Variants in EMC2 observed in about 807,000 individuals in gnomAD.
EMC2 encodes TPR repeat protein 35.
A neutral mutation model predicts 51.6 loss-of-function variants in EMC2; 37 were observed. The ratio of observed to expected loss-of-function variants is 0.72; its 90% CI spans 0.55 to 0.94. The LOEUF (loss-of-function observed/expected upper bound fraction) is 0.94. Ranked by LOEUF, EMC2 falls within the 40% of genes least tolerant of loss-of-function variation. The pLI is 0.00. For missense variants in EMC2, 359 were observed against 350.9 expected, an observed-to-expected ratio of 1.02 and a Z score of -0.18; for synonymous variants, 131 against 112.4, an observed-to-expected ratio of 1.17 and a Z score of -1.04.
At chr8:108,463,938 C>T (rs1027294373) in intron 5 of EMC2, 2 of 152,534 alleles carry the variant, frequency 1.3e-5, no homozygotes, top group African/African-American at 4.8e-5. Flanking sequence ...ACCAAACCCT[C>T]CACTAACCCC....
intron 1 of EMC2, among the ~76,000 whole-genome samples, chr8:108,443,957 A>G (rs566903896): frequency 6.6e-6 from 1 of 151,880 alleles, no homozygotes; most frequent in Non-Finnish European, 1.5e-5. Context: ...GGCCGCTTTT[A>G]TTTATGAGGC....
At chr8:108,476,591 C>CT (rs968256839) in intron 8 of EMC2, among the ~76,000 whole-genome samples, 191 bp from the exon 9 acceptor site, 4 of 151,766 alleles carry the variant, frequency 2.6e-5, no homozygotes, top group Non-Finnish European at 4.4e-5. Flanking sequence ...AATAGAATAG[C>CT]TTTTTTGGGG....
intron 5 of EMC2, among the ~76,000 whole-genome samples, chr8:108,464,571 A>G (rs569350594): frequency 1.3e-5 from 2 of 152,348 alleles, no homozygotes; most frequent in East Asian, 1.9e-4. Context: ...GTGGTTGTGG[A>G]TACCCCCAGG....
chr8:108,471,685 T>G (rs891838109), intron 7 of EMC2, among the ~76,000 whole-genome samples: 1 of 151,948 alleles, frequency 6.6e-6, no homozygotes, highest in Non-Finnish European at 1.5e-5. Flanking sequence ...TCTTACTAAT[T>G]TACCCTAGTA....
chr8:108,462,240 A>T (rs1436105880), intron 5 of EMC2, among the ~76,000 whole-genome samples: 1 of 41,592 alleles, frequency 2.4e-5, no homozygotes, highest in Admixed American at 2.0e-4. Context: ...TATTCCTCTG[A>T]CAGGGAGAAT....
chr8:108,483,047 G>A (rs983002756), intron 10 of EMC2, among the ~76,000 whole-genome samples: 3 of 151,966 alleles, frequency 2.0e-5, no homozygotes, highest in African/African-American at 7.2e-5. Flanking sequence ...CATGTTGTCT[G>A]GGTTCAAATT....
chr8:108,480,767 G>T, intron 10 of EMC2, among the ~76,000 whole-genome samples: 1 of 152,134 alleles, frequency 6.6e-6, no homozygotes, highest in South Asian at 2.1e-4. Context: ...GTTTTTAATT[G>T]TTTTTCTTCA....
intron 7 of EMC2, 80 bp downstream of exon 7, chr8:108,470,201 G>C (rs1810826043): frequency 1.1e-6 from 1 of 885,688 alleles, no homozygotes. Flanking sequence ...GTTTCCAAAG[G>C]ATTGGTGAGA....
chr8:108,469,866 G>A lies in EMC2; in HGVS notation c.404G>A (p.Gly135Glu). 1 of 1,613,532 alleles carries A rather than the reference G, an allele frequency of 6.2e-7. No individual in the cohort carries two copies. The highest frequency in any genetic ancestry group is 8.5e-7 in the Non-Finnish European group (1 of 1,179,576). Residue 135 changes from glycine (G) to glutamate (E), a missense_variant, in exon 6 of 11, where the codon GGG becomes GAG. Gly to Glu is a moderately conservative substitution (Grantham distance 98). Transcript: ENST00000220853. The part of the protein sequence containing the change: ...KRKIAIRKAQ[G>E]KNVEAIRELN... ...AAGATTGCCATTCGAAAAGCCCAGG[G>A]GAAAAATGTGGAGGCCATTCGGGAG...
At chr8:108,480,980 A>G (rs890496303) in intron 10 of EMC2, among the ~76,000 whole-genome samples, 14 of 152,030 alleles carry the variant, frequency 9.2e-5, no homozygotes, top group African/African-American at 3.4e-4. Flanking sequence ...AAGAATTCAT[A>G]ATTTGTTTGG....
intron 10 of EMC2, among the ~76,000 whole-genome samples, chr8:108,486,241 A>G (rs1035546622): frequency 1.3e-5 from 2 of 151,914 alleles, no homozygotes; most frequent in Admixed American, 6.6e-5. Context: ...TTTCAAATAC[A>G]TGATTTTATG....
intron 1 of EMC2, 114 bp downstream of exon 1, chr8:108,443,812 C>T (rs1001615468): frequency 5.6e-6 from 5 of 892,868 alleles, no homozygotes; most frequent in Admixed American, 2.1e-5. Context: ...TACCAGAGCC[C>T]TCACTGTACG....
intron 1 of EMC2, among the ~76,000 whole-genome samples, chr8:108,447,781 G>A (rs565483330): frequency 1.3e-5 from 2 of 152,208 alleles, no homozygotes; most frequent in African/African-American, 4.8e-5. Context: ...TACTTACATA[G>A]TATGTAATAA....
chr8:108,450,311 C>G, intron 2 of EMC2, 117 bp from the exon 3 acceptor site: 1 of 681,566 alleles, frequency 1.5e-6, no homozygotes. Context: ...TACAATAAAT[C>G]AGTTTTCAGT....
chr8:108,453,896 C>G (rs186680209), intron 4 of EMC2, among the ~76,000 whole-genome samples: 1 of 152,186 alleles, frequency 6.6e-6, no homozygotes, highest in Admixed American at 6.5e-5. Flanking sequence ...TTTTGATGTT[C>G]TGTTGTTAGT....
chr8:108,459,098 T>C (rs1436516633), intron 5 of EMC2, among the ~76,000 whole-genome samples: 1 of 152,216 alleles, frequency 6.6e-6, no homozygotes, highest in African/African-American at 2.4e-5. Flanking sequence ...TGCTCCAGTT[T>C]CCAACAAGTT....
intron 9 of EMC2, among the ~76,000 whole-genome samples, chr8:108,477,489 G>A (rs1399005284): frequency 1.3e-5 from 2 of 151,928 alleles, no homozygotes; most frequent in Non-Finnish European, 2.9e-5. Flanking sequence ...AATAAGAAAC[G>A]CTGGGAGAAA....
intron 7 of EMC2, among the ~76,000 whole-genome samples, chr8:108,472,874 A>G (rs1007706244): frequency 1.3e-5 from 2 of 151,918 alleles, no homozygotes; most frequent in South Asian, 4.1e-4. Context: ...GGTAGCCTAT[A>G]TCTAGAACTA....
rs1351838032 is a variant in EMC2, at chr8:108,487,722, C to CA, written c.*1126dup. 5.9e-5 allele frequency among the ~76,000 whole-genome samples: 9 copies of CA among 152,178 alleles called. No homozygotes were observed. Among genetic ancestry groups the CA allele is most frequent in the African/African-American group, 2.2e-4 (9 of 41,536 alleles). ...CAAGTGGGGATTGTGGAGGAATTGA[C>CA]AATCTAGAAGTGTTTAGAAAGAAAA... On this transcript the variant is annotated 3_prime_UTR_variant, in exon 11 of 11. Transcript: ENST00000220853.
Sources: gnomAD v4.1 joint callset for allele counts (sites outside exome capture counted in the v4.1 genomes callset) on GRCh38, gnomAD v4.1.1 for gene constraint, MANE v1.5 for transcripts, NCBI Gene and HGNC (gene_info 2026-07-23, HGNC 2026-07-21) for gene names.